Variants in CACNA2D3 observed in about 807,000 individuals in gnomAD.
CACNA2D3 encodes the protein voltage-dependent calcium channel subunit alpha-2/delta-3.
CACNA2D3 carries 60 observed loss-of-function variants against 160.6 expected under a neutral mutation model. That is an observed-to-expected ratio of 0.37 (90% CI 0.30 to 0.46). The LOEUF is 0.46. CACNA2D3 is among the 20% of genes least tolerant of loss of function. The pLI is 1.00. For synonymous variants in CACNA2D3, 558 were observed against 492.9 expected, an observed-to-expected ratio of 1.13 and a Z score of -1.75; for missense variants, 1,205 against 1,365.0, an observed-to-expected ratio of 0.88 and a Z score of 1.85.
chr3:54,207,374 G>A (rs1701293576), intron 2 of CACNA2D3, among the ~76,000 whole-genome samples: 1 of 150,756 alleles, frequency 6.6e-6, no homozygotes, highest in Non-Finnish European at 1.5e-5. Flanking sequence ...GGGCTTGCCC[G>A]TGACCTGGAA....
At chr3:54,426,358 CTG>C (rs1699912214) in intron 4 of CACNA2D3, among the ~76,000 whole-genome samples, 1 of 152,194 alleles carries the variant, frequency 6.6e-6, no homozygotes, top group Admixed American at 6.5e-5. Flanking sequence ...TTGTTATAAA[CTG>C]CACTTTAGAG....
chr3:54,708,432 A>G (rs998211719), intron 11 of CACNA2D3, among the ~76,000 whole-genome samples: 1 of 152,208 alleles, frequency 6.6e-6, no homozygotes, highest in Non-Finnish European at 1.5e-5. Flanking sequence ...AGTGACAGAA[A>G]AATAACCCTA....
intron 11 of CACNA2D3, among the ~76,000 whole-genome samples, chr3:54,704,425 CAT>C (rs1700820539): frequency 6.6e-6 from 1 of 151,838 alleles, no homozygotes; most frequent in Non-Finnish European, 1.5e-5. Flanking sequence ...CCAGTTCATA[CAT>C]AGTTTCCATT....
At chr3:55,033,888 A>AATATATTTAATAT (rs1449718976) in intron 35 of CACNA2D3, among the ~76,000 whole-genome samples, 2,268 of 127,040 alleles carry the variant, frequency 0.018, 324 homozygotes, top group African/African-American at 0.064. Flanking sequence ...TTACATATTA[A>AATATATTTAATAT]GTATATTTAA....
chr3:54,837,006 A>G (rs1698705751), intron 14 of CACNA2D3, among the ~76,000 whole-genome samples, 153 bp from the exon 15 acceptor site: 1 of 152,220 alleles, frequency 6.6e-6, no homozygotes, highest in South Asian at 2.1e-4. Flanking sequence ...TCCAGGACAC[A>G]CATTGTGCTC....
chr3:54,550,614 C>T (rs1267743476), intron 5 of CACNA2D3, among the ~76,000 whole-genome samples: 1 of 152,198 alleles, frequency 6.6e-6, no homozygotes, highest in Non-Finnish European at 1.5e-5. Flanking sequence ...ACAGGGAAAT[C>T]AGTTTTAGTC....
chr3:54,272,064 T>C (rs1702633604), intron 2 of CACNA2D3, among the ~76,000 whole-genome samples: 1 of 152,126 alleles, frequency 6.6e-6, no homozygotes, highest in South Asian at 2.1e-4. Flanking sequence ...TGGAAGTTTC[T>C]TGAGTGTCTC....
At chr3:54,350,490 A>G (rs141294179) in intron 3 of CACNA2D3, among the ~76,000 whole-genome samples, 12 of 152,222 alleles carry the variant, frequency 7.9e-5, no homozygotes, top group Non-Finnish European at 1.5e-4. Context: ...ACCACTGACT[A>G]CTTTAGGATT....
intron 4 of CACNA2D3, among the ~76,000 whole-genome samples, chr3:54,461,541 T>C (rs1700504550): frequency 6.6e-6 from 1 of 151,718 alleles, no homozygotes; most frequent in Non-Finnish European, 1.5e-5. Context: ...CCATTTCTTC[T>C]AGATTTTCTA....
intron 11 of CACNA2D3, among the ~76,000 whole-genome samples, chr3:54,715,508 A>T (rs1345798757): frequency 2.6e-5 from 4 of 151,966 alleles, no homozygotes; most frequent in African/African-American, 9.7e-5. Flanking sequence ...TCCCCAGAAT[A>T]TGGGGGGGGC....
At chr3:54,131,384 T>G (rs1163147559) in intron 2 of CACNA2D3, among the ~76,000 whole-genome samples, 1 of 152,188 alleles carries the variant, frequency 6.6e-6, no homozygotes, top group Non-Finnish European at 1.5e-5. Context: ...ACCCAAGGAA[T>G]TGGGGTTGCC....
At chr3:54,687,852 T>C (rs1700498758) in intron 11 of CACNA2D3, among the ~76,000 whole-genome samples, 1 of 152,222 alleles carries the variant, frequency 6.6e-6, no homozygotes, top group African/African-American at 2.4e-5. Context: ...ATATATGCTG[T>C]CACTAGAACG....
intron 13 of CACNA2D3, among the ~76,000 whole-genome samples, chr3:54,780,382 G>T (rs929398371): frequency 9.2e-5 from 14 of 152,222 alleles, no homozygotes; most frequent in African/African-American, 3.4e-4. Context: ...AATGCAATAT[G>T]TTGGGGAAAA....
chr3:54,145,094 T>A (rs1700000602), intron 2 of CACNA2D3, among the ~76,000 whole-genome samples: 1 of 152,200 alleles, frequency 6.6e-6, no homozygotes. Flanking sequence ...AAGACTGGCA[T>A]TAAAAAGATA....
intron 27 of CACNA2D3, among the ~76,000 whole-genome samples, chr3:54,960,396 G>T (rs1702003133): frequency 6.6e-6 from 1 of 152,094 alleles, no homozygotes; most frequent in Non-Finnish European, 1.5e-5. Flanking sequence ...TCATTTAGGG[G>T]TTACATTTAA....
Position 54,636,845 on chromosome 3 carries a change from T to A in CACNA2D3, c.1054-5283T>A, listed in dbSNP as rs999643343. ...GGCTTGACTGAAGTAATGGGGGCTGTCTGTGAAGCCTTGTGGCAGTACAGC... is the reference window on the plus strand; with the variant it reads ...GGCTTGACTGAAGTAATGGGGGCTGACTGTGAAGCCTTGTGGCAGTACAGC... On this transcript the variant is annotated intron_variant, in intron 10 of 37. Coordinates refer to ENST00000474759, the MANE Select transcript of CACNA2D3 (RefSeq NM_018398.3). Among the ~76,000 whole-genome samples the A allele has an allele frequency of 3.3e-4, 50 of 152,004 alleles. 1 individual carries two copies. The highest frequency in any genetic ancestry group is 1.2e-3 in the African/African-American group (48 of 41,264).
chr3:54,387,056 C>CA (rs1256039503), intron 4 of CACNA2D3, among the ~76,000 whole-genome samples: 4 of 152,190 alleles, frequency 2.6e-5, no homozygotes, highest in Non-Finnish European at 5.9e-5. Flanking sequence ...TGACAATAAT[C>CA]ACCAGATCTC....
At chr3:54,182,482 G>T (rs1270701835) in intron 2 of CACNA2D3, among the ~76,000 whole-genome samples, 2 of 152,130 alleles carry the variant, frequency 1.3e-5, no homozygotes, top group African/African-American at 4.8e-5. Context: ...CCTTCCTATT[G>T]GGCAGATGGG....
At chr3:54,453,450 G>A (rs950704755) in intron 4 of CACNA2D3, among the ~76,000 whole-genome samples, 6 of 152,140 alleles carry the variant, frequency 3.9e-5, no homozygotes, top group Non-Finnish European at 7.3e-5. Context: ...CTTTTGGGGG[G>A]ACTTAATTCG....
Sources: gnomAD v4.1 joint callset for allele counts (sites outside exome capture counted in the v4.1 genomes callset) on GRCh38, gnomAD v4.1.1 for gene constraint, MANE v1.5 for transcripts, NCBI Gene and HGNC (gene_info 2026-07-23, HGNC 2026-07-21) for gene names.